EPB41: variants seen among roughly 807,000 people sequenced by gnomAD.
EPB41 encodes erythrocyte membrane protein band 4.1, also known as protein 4.1.
EPB41 carries 65 observed loss-of-function variants against 108.0 expected under a neutral mutation model. The observed-to-expected ratio is 0.60, with a 90% CI of 0.49 to 0.74. The LOEUF (loss-of-function observed/expected upper bound fraction) is 0.74, where lower values mean the gene tolerates loss of function less well. Ranked by LOEUF, EPB41 falls within the 30% of genes least tolerant of loss-of-function variation. The pLI, the probability that EPB41 is intolerant of heterozygous loss-of-function variation, is 0.00. For synonymous variants in EPB41, 336 were observed against 358.9 expected, an observed-to-expected ratio of 0.94 and a Z score of 0.72; for missense variants, 875 against 1,037.0, an observed-to-expected ratio of 0.84 and a Z score of 2.15.
At chr1:28,992,379 G>A (rs372729408) in intron 2 of EPB41, among the ~76,000 whole-genome samples, 4 of 152,026 alleles carry the variant, frequency 2.6e-5, no homozygotes, top group African/African-American at 9.7e-5. Flanking sequence ...GTTTTGTTGT[G>A]TTGAAAGTAA....
intron 1 of EPB41, among the ~76,000 whole-genome samples, chr1:28,916,679 CCTT>C (rs1171231043): frequency 6.6e-6 from 1 of 152,174 alleles, no homozygotes; most frequent in African/African-American, 2.4e-5. Flanking sequence ...AGAATGCCAA[CCTT>C]CTGATTCCTC....
chr1:29,110,258 T>A (rs1668719979), intron 18 of EPB41, among the ~76,000 whole-genome samples: 1 of 151,588 alleles, frequency 6.6e-6, no homozygotes, highest in Non-Finnish European at 1.5e-5. Context: ...GGTGGGAGGA[T>A]CACTTGAGCC....
intron 11 of EPB41, among the ~76,000 whole-genome samples, chr1:29,051,205 T>C (rs776552595): frequency 1.4e-5 from 2 of 144,134 alleles, no homozygotes; most frequent in Non-Finnish European, 1.5e-5. Context: ...TTCAAGTGAT[T>C]CTCCTGCCTC....
At chr1:28,891,843 T>G (rs2090142267) in intron 1 of EPB41, among the ~76,000 whole-genome samples, 1 of 151,856 alleles carries the variant, frequency 6.6e-6, no homozygotes, top group South Asian at 2.1e-4. Flanking sequence ...AATCCCAGCA[T>G]TTTGGGAGGC....
chr1:28,945,932 T>C (rs537458815), intron 1 of EPB41, among the ~76,000 whole-genome samples: 1 of 152,226 alleles, frequency 6.6e-6, no homozygotes, highest in Non-Finnish European at 1.5e-5. Flanking sequence ...ACTGCTGTTA[T>C]ACTTGTGAAC....
chr1:28,970,513 T>G (rs1240041692), intron 1 of EPB41, among the ~76,000 whole-genome samples: 2 of 152,242 alleles, frequency 1.3e-5, no homozygotes, highest in Admixed American at 6.5e-5. Flanking sequence ...CTTGAAATTT[T>G]TAAGGCTAGT....
chr1:29,060,281 G>C, intron 14 of EPB41, 141 bp from the exon 15 acceptor site: 1 of 656,474 alleles, frequency 1.5e-6, no homozygotes, highest in Non-Finnish European at 2.7e-6. Flanking sequence ...GTGACTCTCT[G>C]ACCATTTCAT....
intron 15 of EPB41, among the ~76,000 whole-genome samples, chr1:29,062,663 T>A (rs1646749643): frequency 6.6e-6 from 1 of 151,996 alleles, no homozygotes; most frequent in South Asian, 2.1e-4. Context: ...TTTTTTTTTT[T>A]TTAAGCATCC....
intron 1 of EPB41, among the ~76,000 whole-genome samples, chr1:28,906,039 G>A (rs1057478277): frequency 6.6e-6 from 1 of 151,854 alleles, no homozygotes. Flanking sequence ...GGCTGGTCTC[G>A]AACTCCTGGC....
chr1:28,972,167 A>G (rs2095510624), intron 1 of EPB41, among the ~76,000 whole-genome samples: 1 of 152,162 alleles, frequency 6.6e-6, no homozygotes, highest in Non-Finnish European at 1.5e-5. Context: ...GGCTCAAGTG[A>G]TCTGCCTGCT....
upstream of EPB41, chr1:28,887,113 G>T (rs774492187): frequency 2.9e-6 from 2 of 698,194 alleles, no homozygotes; most frequent in South Asian, 2.9e-5. The surrounding 1 kb of genome is among the most constrained non-coding windows in gnomAD (Gnocchi z 4.9). Flanking sequence ...AGTGCAGGTG[G>T]AGGCCCCGGC....
chr1:28,955,406 A>G (rs1056431312), intron 1 of EPB41, among the ~76,000 whole-genome samples: 19 of 151,382 alleles, frequency 1.3e-4, no homozygotes, highest in Non-Finnish European at 2.4e-4. Context: ...CAGTGGCGTG[A>G]TCTCCACTCG....
chr1:28,960,878 CA>C lies in EPB41; in HGVS notation c.-7-26547del, dbSNP rs1424873419. 2.6e-5 allele frequency among the ~76,000 whole-genome samples: 4 copies of C among 151,534 alleles called. No individual in the cohort carries two copies. The East Asian group carries it at 7.8e-4, about 30-fold the overall frequency. ...TGAAACTCCATCTCTACTAAAAATA[CA>C]AAAAATTAGCCAGGCATGGTGGCAG... On this transcript the variant is annotated intron_variant, in intron 1 of 20. Transcript: ENST00000343067.
intron 4 of EPB41, among the ~76,000 whole-genome samples, chr1:29,001,268 C>T (rs7523958): frequency 0.11 from 17,134 of 152,000 alleles, 1,232 homozygotes; most frequent in African/African-American, 0.21. Flanking sequence ...AGGCAGAGGT[C>T]GCAGGGAGCC....
chr1:28,942,313 C>T (rs1325122813), intron 1 of EPB41, among the ~76,000 whole-genome samples: 1 of 152,186 alleles, frequency 6.6e-6, no homozygotes, highest in African/African-American at 2.4e-5. Flanking sequence ...AAGACTGTCT[C>T]TCATATCAGA....
intron 6 of EPB41, among the ~76,000 whole-genome samples, chr1:29,016,780 G>A (rs1292086780): frequency 6.6e-6 from 1 of 152,136 alleles, no homozygotes; most frequent in Non-Finnish European, 1.5e-5. Context: ...CTTGCATAGG[G>A]TCTTATCCAC....
At chr1:29,111,030 G>A (rs1435223257) in intron 18 of EPB41, among the ~76,000 whole-genome samples, 1 of 152,096 alleles carries the variant, frequency 6.6e-6, no homozygotes, top group Non-Finnish European at 1.5e-5. Flanking sequence ...AGCCGAGCAT[G>A]GTGGCACACG....
chr1:28,944,244 G>A (rs1235901701), intron 1 of EPB41, among the ~76,000 whole-genome samples: 1 of 151,976 alleles, frequency 6.6e-6, no homozygotes, highest in Non-Finnish European at 1.5e-5. Flanking sequence ...GGGAGGAGAG[G>A]AAGATGAGGA....
intron 16 of EPB41, among the ~76,000 whole-genome samples, chr1:29,086,373 A>G (rs776370674): frequency 1.0e-4 from 15 of 150,122 alleles, no homozygotes; most frequent in Non-Finnish European, 2.1e-4. Context: ...TCCCAGGTTT[A>G]AGCGATTCTC....
Sources: gnomAD v4.1 joint callset for allele counts (sites outside exome capture counted in the v4.1 genomes callset) on GRCh38, gnomAD v4.1.1 for gene constraint, Gnocchi (gnomAD v3.1) non-coding constraint, MANE v1.5 for transcripts, NCBI Gene and HGNC (gene_info 2026-07-23, HGNC 2026-07-21) for gene names.